The following TCAIM variants were observed in gnomAD, a reference collection of about 807,000 sequenced individuals.
The protein encoded by TCAIM is T cell activation inhibitor, mitochondrial.
Under a neutral mutation model 58.6 loss-of-function variants are expected in TCAIM, and 36 were observed. The observed-to-expected ratio is 0.61, with a 90% confidence interval of 0.47 to 0.81. The LOEUF is 0.81. Among genes scored for constraint, TCAIM ranks in the 30% least tolerant of loss-of-function variants. The probability of loss-of-function intolerance (pLI) is 0.00; values close to 1 mark genes in which losing one functional copy is unlikely to be tolerated. For missense variants in TCAIM, 466 were observed against 579.6 expected (o/e 0.80, Z 2.01); for synonymous variants, 172 against 193.6 (o/e 0.89, Z 0.93).
chr3:44,398,328 G>A (rs907968788), intron 8 of TCAIM, among the ~76,000 whole-genome samples: 1 of 152,128 alleles, frequency 6.6e-6, no homozygotes, highest in Admixed American at 6.6e-5. Flanking sequence ...TATTTGGGAG[G>A]CTGAGGCAGG....
intron 8 of TCAIM, among the ~76,000 whole-genome samples, chr3:44,399,366 T>C (rs1340704093): frequency 2.0e-5 from 3 of 152,224 alleles, no homozygotes; most frequent in Admixed American, 6.5e-5. Context: ...AGTAAAATTA[T>C]TTTCCACAAG....
In TCAIM at chr3:44,408,769, G is replaced by C. The variant is rs1231355756; in HGVS notation, c.*1087G>C. ...TGTTATTACTGATGTTTGAAACCCT[G>C]TCATTAGCCCCGGCCTGGTTAAAGC... On this transcript the variant is annotated 3_prime_UTR_variant, in exon 11 of 11. Transcript: ENST00000342649. 1 of 152,146 alleles carries C rather than the reference G, an allele frequency of 6.6e-6. No individual in the cohort carries two copies. Among genetic ancestry groups the C allele is most frequent in the East Asian group, 1.9e-4 (1 of 5,188 alleles). The allele number at this position is 152,146 out of a possible 1,614,324, so 9.4% of individuals were successfully genotyped here.
At position 44,361,463 on chromosome 3, in the gene TCAIM, T is replaced by C. The variant is rs1701294554; in HGVS notation, c.264T>C (p.Tyr88=). The C allele has an allele frequency of 6.2e-7, 1 of 1,612,780 alleles. No individual in the cohort carries two copies. The highest frequency in any genetic ancestry group is 8.5e-7 in the Non-Finnish European group (1 of 1,179,488). ...TGAAACCAACTCAGCTTACATTTTA[T>C]GTAAGAGAAACAGACCAGAGTTCCT... ...KSLKPTQLTF[Y]VRETDQSSSD... The change falls in exon 4 of 11, where the codon TAT becomes TAC. Residue 88 remains tyrosine, a synonymous_variant. Transcript: ENST00000342649.
intron 5 of TCAIM, among the ~76,000 whole-genome samples, chr3:44,387,685 G>T (rs1244422410): frequency 1.3e-5 from 2 of 152,204 alleles, no homozygotes; most frequent in Non-Finnish European, 2.9e-5. Context: ...GCAGATGTGG[G>T]ATCTGGGCCG....
intron 1 of TCAIM, among the ~76,000 whole-genome samples, chr3:44,347,409 G>C (rs1700992618): frequency 6.6e-6 from 1 of 152,206 alleles, no homozygotes. Flanking sequence ...CAGCAGTACA[G>C]CCCAGGTAAG....
At chr3:44,394,785 T>C (rs1701895954) in intron 6 of TCAIM, among the ~76,000 whole-genome samples, 1 of 146,198 alleles carries the variant, frequency 6.8e-6, no homozygotes, top group South Asian at 2.2e-4. Flanking sequence ...TCCCAGCTAC[T>C]CAGGAGGCTG....
At chr3:44,345,033 T>C (rs1457483914) in intron 1 of TCAIM, among the ~76,000 whole-genome samples, 1 of 152,124 alleles carries the variant, frequency 6.6e-6, no homozygotes, top group African/African-American at 2.4e-5. Context: ...GACATTCCTG[T>C]CTTCTTACAT....
chr3:44,380,765 G>C (rs1701643749), intron 5 of TCAIM, among the ~76,000 whole-genome samples: 1 of 152,060 alleles, frequency 6.6e-6, no homozygotes, highest in Non-Finnish European at 1.5e-5. Context: ...CCTTTAGCTA[G>C]ATGGACTAAG....
chr3:44,405,643 C>T (rs1702088299), intron 10 of TCAIM, among the ~76,000 whole-genome samples: 1 of 151,672 alleles, frequency 6.6e-6, no homozygotes, highest in Non-Finnish European at 1.5e-5. Flanking sequence ...AGTGATACTC[C>T]AGCCTGGGCA....
chr3:44,343,111 C>T (rs566142281), intron 1 of TCAIM, among the ~76,000 whole-genome samples: 10 of 151,496 alleles, frequency 6.6e-5, no homozygotes, highest in African/African-American at 2.4e-4. Context: ...CACTATAGCG[C>T]AGGTGACAGA....
intron 1 of TCAIM, among the ~76,000 whole-genome samples, chr3:44,350,997 G>A (rs927324640): frequency 3.3e-5 from 5 of 152,004 alleles, no homozygotes; most frequent in Admixed American, 6.6e-5. Context: ...AATTTTTTTT[G>A]TATTTTTTAT....
At position 44,400,489 on chromosome 3, in the gene TCAIM, A is replaced by C. The variant is rs770182296; in HGVS notation, c.1020A>C (p.Glu340Asp). 2 of 1,613,774 alleles carry C rather than the reference A, an allele frequency of 1.2e-6. No individual in the cohort carries two copies. Among genetic ancestry groups the C allele is most frequent in the South Asian group, 2.2e-5 (2 of 91,068 alleles). ...TACAGCCAGTATTGACACTTGAAGA[A>C]TATTACTCTCTTCTTGATGTGTTTT... The part of the protein sequence containing the change: ...EELQPVLTLE[E>D]YYSLLDVFYN... The change falls in exon 9 of 11, where the codon GAA (glutamate) becomes GAC (aspartate). Residue 340 changes from glutamate to aspartate, a missense_variant. Transcript: ENST00000342649.
intron 5 of TCAIM, among the ~76,000 whole-genome samples, chr3:44,370,748 TTCTTTC>T (rs1457209532): frequency 2.9e-4 from 12 of 41,930 alleles, no homozygotes; most frequent in East Asian, 0.026. Context: ...CTTTCTTTCT[TTCTTTC>T]TTTTTTTTTG....
intron 5 of TCAIM, among the ~76,000 whole-genome samples, chr3:44,377,596 G>A (rs942722634): frequency 6.6e-6 from 1 of 152,166 alleles, no homozygotes; most frequent in Non-Finnish European, 1.5e-5. Context: ...CACATGGAAC[G>A]TTTTCTAGGA....
chr3:44,386,209 C>CAAAA (rs10576012), intron 5 of TCAIM, among the ~76,000 whole-genome samples: 100 of 54,750 alleles, frequency 1.8e-3, no homozygotes, highest in East Asian at 4.5e-3. Context: ...CCAGAAGCTC[C>CAAAA]AAAAAAAAAA....
intron 5 of TCAIM, among the ~76,000 whole-genome samples, chr3:44,382,767 G>A (rs1701673234): frequency 6.6e-6 from 1 of 152,138 alleles, no homozygotes; most frequent in Non-Finnish European, 1.5e-5. Context: ...TTTAAAGTTT[G>A]TGCACTAAAA....
chr3:44,356,651 G>A (rs1301349642), intron 2 of TCAIM, among the ~76,000 whole-genome samples: 1 of 151,946 alleles, frequency 6.6e-6, no homozygotes, highest in Non-Finnish European at 1.5e-5. Context: ...ACACTCCCAG[G>A]TGGGTTACAA....
intron 1 of TCAIM, among the ~76,000 whole-genome samples, chr3:44,353,198 G>A (rs1174408100): frequency 6.6e-6 from 1 of 151,536 alleles, no homozygotes; most frequent in African/African-American, 2.4e-5. Context: ...TGGGATTACA[G>A]GCATGAGCCA....
intron 5 of TCAIM, among the ~76,000 whole-genome samples, chr3:44,372,049 GGAAGGAAGGAAGGAA>G (rs1485039095): frequency 6.7e-6 from 1 of 148,780 alleles, no homozygotes; most frequent in African/African-American, 2.5e-5. Flanking sequence ...AAGGAAGGAA[GGAAGGAAGGAAGGAA>G]GGAAGGAAGG....
Sources: allele counts gnomAD v4.1 joint callset (sites outside exome capture counted in the v4.1 genomes callset), GRCh38; gene constraint gnomAD v4.1.1; transcripts MANE v1.5; gene names NCBI Gene and HGNC (gene_info 2026-07-23, HGNC 2026-07-21).